CDKL2: variants seen among roughly 807,000 people sequenced by gnomAD.
CDKL2 encodes cyclin dependent kinase like 2, also known as cyclin-dependent kinase-like 2.
A neutral mutation model predicts 63.9 loss-of-function variants in CDKL2; 64 were observed. That is an observed-to-expected ratio of 1.00 (90% confidence interval 0.82 to 1.23). CDKL2 has a LOEUF of 1.23. CDKL2 is among the 50% of genes most tolerant of loss of function. The pLI is 0.00. For synonymous variants in CDKL2, 211 were observed against 229.2 expected (o/e 0.92, Z 0.72); for missense variants, 656 against 668.0 (o/e 0.98, Z 0.20).
At chr4:75,611,151 T>A (rs1242294784) in intron 3 of CDKL2, among the ~76,000 whole-genome samples, 4 of 152,016 alleles carry the variant, frequency 2.6e-5, no homozygotes, top group Non-Finnish European at 5.9e-5. Flanking sequence ...GAAATCACAA[T>A]CTAGAAGAGT....
At chr4:75,610,059 A>G (rs1031610515) in intron 3 of CDKL2, among the ~76,000 whole-genome samples, 1 of 151,882 alleles carries the variant, frequency 6.6e-6, no homozygotes, top group Admixed American at 6.6e-5. Flanking sequence ...AAAATTAGCC[A>G]GGCGTGGTGG....
rs540845029 is a variant in CDKL2 at position 75,592,144 on chromosome 4, A to G, written c.1540+2T>C. ...CACAAAGTAAAAGCATTATCAACACACCTATGCCTCCCAGTGCTCTTAGTT... is the reference window on the plus strand; with the variant it reads ...CACAAAGTAAAAGCATTATCAACACGCCTATGCCTCCCAGTGCTCTTAGTT... On this transcript the variant is annotated splice_donor_variant, in intron 11 of 13. Transcript: ENST00000307465. LOFTEE classifies it high-confidence loss of function. 1 of 1,531,286 alleles carries G rather than the reference A, an allele frequency of 6.5e-7. No individual in the cohort carries two copies. Among genetic ancestry groups the G allele is most frequent in the East Asian group, 2.4e-5 (1 of 40,856 alleles). 94.9% of individuals were successfully genotyped at this position (1,531,286 alleles called of 1,614,324 possible). A position where few individuals can be genotyped will look rare whatever the true frequency, so the allele number is the denominator to read the frequency against.
chr4:75,582,829 A>G (rs1401959271), intron 12 of CDKL2, among the ~76,000 whole-genome samples: 1 of 152,188 alleles, frequency 6.6e-6, no homozygotes, highest in Admixed American at 6.5e-5. Context: ...AACAATTCAA[A>G]TGCCTGAGAA....
chr4:75,592,174 G>A lies in CDKL2; in HGVS notation c.1512C>T (p.Leu504=). 2.6e-6 allele frequency: 4 copies of A among 1,535,246 alleles called. No individual in the cohort carries two copies. Among genetic ancestry groups the A allele is most frequent in the South Asian group, 2.4e-5 (2 of 83,850 alleles). Residue 504 remains leucine, a synonymous_variant, in exon 11 of 14, where the codon CTC becomes CTT. Transcript: ENST00000307465. ...TGCCTCCCAGTGCTCTTAGTTCAGG[G>A]AGATGATTATAGTTTAGTTCAGGCA... is the stretch of plus-strand genomic sequence containing the variant. ...VRLPELNYNH[L]PELRALGGIA... is the part of the protein sequence containing the mutation.
chr4:75,594,018 G>T (rs1460440372), intron 10 of CDKL2, among the ~76,000 whole-genome samples: 1 of 152,166 alleles, frequency 6.6e-6, no homozygotes, highest in East Asian at 1.9e-4. Context: ...TCTTCAACTT[G>T]TAGGTTAAAG....
At chr4:75,599,893 A>C (rs1230947996) in intron 7 of CDKL2, among the ~76,000 whole-genome samples, 2 of 152,242 alleles carry the variant, frequency 1.3e-5, no homozygotes, top group African/African-American at 4.8e-5. Context: ...CAGCAGTGTC[A>C]GCAGTATCAA....
chr4:75,617,500 C>A (rs976852795), intron 2 of CDKL2, among the ~76,000 whole-genome samples: 2 of 146,684 alleles, frequency 1.4e-5, no homozygotes, highest in African/African-American at 2.7e-5. Flanking sequence ...AAAACACCTT[C>A]TCAAAAAAAC....
At chr4:75,602,527 A>G (rs535583520) in intron 6 of CDKL2, among the ~76,000 whole-genome samples, 1 of 148,796 alleles carries the variant, frequency 6.7e-6, no homozygotes, top group South Asian at 2.1e-4. Flanking sequence ...TCCTTTATTT[A>G]TTTATTTATT....
intron 1 of CDKL2, among the ~76,000 whole-genome samples, chr4:75,626,560 G>A (rs1034079679): frequency 1.7e-4 from 26 of 151,884 alleles, no homozygotes; most frequent in Non-Finnish European, 3.4e-4. Context: ...CCAGCTACTC[G>A]GGAGGCTGAG....
intron 3 of CDKL2, 111 bp downstream of exon 3, chr4:75,614,144 A>G: frequency 1.5e-6 from 1 of 656,110 alleles, no homozygotes; most frequent in South Asian, 2.1e-5. Context: ...ATTTAGTGTT[A>G]AAGTATACTG....
At chr4:75,600,654 T>A (rs1179877679) in intron 6 of CDKL2, among the ~76,000 whole-genome samples, 5 of 152,078 alleles carry the variant, frequency 3.3e-5, no homozygotes, top group Admixed American at 2.0e-4. Flanking sequence ...GAGACAGCGT[T>A]TCGCCATGTT....
intron 1 of CDKL2, among the ~76,000 whole-genome samples, chr4:75,629,327 T>A (rs1202695581): frequency 6.6e-6 from 1 of 152,240 alleles, no homozygotes; most frequent in African/African-American, 2.4e-5. Context: ...TATCCCAAGC[T>A]AACATTAATG....
In CDKL2 at chr4:75,598,281, A is replaced by G. The variant is rs980485945; in HGVS notation, c.885-69T>C. The G allele has an allele frequency of 2.2e-4, 203 of 903,456 alleles. 2 individuals are homozygous for G. The South Asian group carries it at 3.4e-3, about 15-fold the overall frequency. The allele number at this position is 903,456 out of a possible 1,614,324, so 56.0% of individuals were successfully genotyped here. ...ACCTACAAAAAAATTGACTTTCAAG[A>G]TATTTATTTTTTAAAAATTGAATGT... is the stretch of plus-strand genomic sequence containing the variant. On this transcript the variant is annotated intron_variant, in intron 7 of 13. Transcript: ENST00000307465.
intron 2 of CDKL2, among the ~76,000 whole-genome samples, chr4:75,615,715 A>C (rs751324740): frequency 2.0e-5 from 3 of 152,254 alleles, no homozygotes; most frequent in South Asian, 2.1e-4. Context: ...TATATACACC[A>C]GGTGCAGTGG....
At chr4:75,603,756 AAAAAG>A in intron 6 of CDKL2, 56 bp downstream of exon 6, 1 of 1,299,932 alleles carries the variant, frequency 7.7e-7, no homozygotes, top group Non-Finnish European at 1.0e-6. Flanking sequence ...AAAAAAAAAA[AAAAAG>A]GTCTTGATAG....
At chr4:75,594,032 A>G (rs1025696029) in intron 10 of CDKL2, among the ~76,000 whole-genome samples, 1 of 152,212 alleles carries the variant, frequency 6.6e-6, no homozygotes, top group African/African-American at 2.4e-5. Flanking sequence ...GTTAAAGGAC[A>G]ATACCTCTCT....
intron 6 of CDKL2, 91 bp from the exon 7 acceptor site, chr4:75,600,460 A>C: frequency 1.2e-6 from 1 of 858,802 alleles, no homozygotes; most frequent in Middle Eastern, 3.4e-4. Flanking sequence ...CTTTATAGTC[A>C]ACGATTTTTT....
chr4:75,619,922 C>T (rs907330424), intron 2 of CDKL2, among the ~76,000 whole-genome samples: 12 of 152,128 alleles, frequency 7.9e-5, no homozygotes, highest in South Asian at 4.1e-4. Flanking sequence ...TGGTGGCTCC[C>T]GCCTATGATT....
Position 75,603,812 on chromosome 4 carries a change from AT to A in CDKL2, c.795+4del. On this transcript the variant is annotated splice_donor_region_variant and intron_variant, in intron 6 of 13. Coordinates refer to ENST00000307465, the MANE Select transcript of CDKL2 (RefSeq NM_001330724.2). ...TCATAAAGTGTAAACAATAAGTATG[AT>A]TACCTTTGCTAAATCTATCACCACT... The A allele has an allele frequency of 1.3e-6, 2 of 1,585,114 alleles. No individual in the cohort carries two copies. Among genetic ancestry groups the A allele is most frequent in the South Asian group, 2.3e-5 (2 of 87,270 alleles).
Sources: gnomAD v4.1 joint callset for allele counts (sites outside exome capture counted in the v4.1 genomes callset) on GRCh38, gnomAD v4.1.1 for gene constraint, MANE v1.5 for transcripts, NCBI Gene and HGNC (gene_info 2026-07-23, HGNC 2026-07-21) for gene names.